The following TEKT1 variants were observed in gnomAD, a reference collection of about 807,000 sequenced individuals.
The protein encoded by TEKT1 is tektin 1.
Under a neutral mutation model 34.8 loss-of-function variants are expected in TEKT1, and 32 were observed. That is an observed-to-expected ratio of 0.92 (90% CI 0.69 to 1.23). TEKT1 has a LOEUF of 1.23. TEKT1 is among the 50% of genes most tolerant of loss of function. The pLI is 0.00. For synonymous variants in TEKT1, 207 were observed against 199.8 expected, an observed-to-expected ratio of 1.04 and a Z score of -0.30; for missense variants, 492 against 518.5, an observed-to-expected ratio of 0.95 and a Z score of 0.50.
chr17:6,800,839 G>T lies in TEKT1; in HGVS notation c.957C>A (p.Thr319=). 1 of 1,614,116 alleles carries T rather than the reference G, an allele frequency of 6.2e-7. No individual in the cohort carries two copies. The highest frequency in any genetic ancestry group is 8.5e-7 in the Non-Finnish European group (1 of 1,180,018). The change falls in exon 7 of 8, where the codon ACC becomes ACA. Residue 319 remains threonine, a synonymous_variant. Coordinates refer to ENST00000338694, the MANE Select transcript of TEKT1 (RefSeq NM_053285.2). ...GCTCCACGTTCGGCCGGTGTGTCCT[G>T]GTCTCCAAGCGCGTATGAGCCACCT... ...PAKVAHTRLE[T]RTHRPNVELC...
At chr17:6,824,583 A>G (rs1375232862) in intron 2 of TEKT1, among the ~76,000 whole-genome samples, 1 of 152,180 alleles carries the variant, frequency 6.6e-6, no homozygotes, top group African/African-American at 2.4e-5. Flanking sequence ...TTTTCTCTCC[A>G]TCTTTACTGC....
intron 6 of TEKT1, among the ~76,000 whole-genome samples, chr17:6,806,298 T>G (rs1237270536): frequency 6.6e-6 from 1 of 151,826 alleles, no homozygotes; most frequent in Admixed American, 6.6e-5. Flanking sequence ...ACCCCTGCCT[T>G]TTTTTGTTTT....
intron 2 of TEKT1, among the ~76,000 whole-genome samples, chr17:6,824,406 T>G (rs1469503263): frequency 6.6e-6 from 1 of 152,162 alleles, no homozygotes; most frequent in Non-Finnish European, 1.5e-5. Context: ...CCTCTCATCT[T>G]CATCATGCTG....
chr17:6,822,023 T>C (rs9892233), intron 2 of TEKT1, among the ~76,000 whole-genome samples: 9,348 of 152,066 alleles, frequency 0.061, 824 homozygotes, highest in African/African-American at 0.19. Context: ...GCCAAGACAA[T>C]GGGGAAAATG....
intron 4 of TEKT1, 104 bp from the exon 5 acceptor site, chr17:6,815,410 A>G: frequency 7.2e-7 from 1 of 1,392,124 alleles, no homozygotes; most frequent in Non-Finnish European, 1.0e-6. Flanking sequence ...GGTCTGGTGC[A>G]GGATGATGGT....
chr17:6,820,326 T>C (rs892383131), intron 2 of TEKT1, among the ~76,000 whole-genome samples: 1 of 152,018 alleles, frequency 6.6e-6, no homozygotes, highest in Non-Finnish European at 1.5e-5. Flanking sequence ...AAGGCAGATT[T>C]ATTAGTCACC....
chr17:6,825,357 A>G (rs912747067), intron 2 of TEKT1, among the ~76,000 whole-genome samples: 1 of 152,160 alleles, frequency 6.6e-6, no homozygotes, highest in African/African-American at 2.4e-5. Flanking sequence ...TATGGGATGA[A>G]GCACACCGTA....
chr17:6,815,870 A>G lies in TEKT1; in HGVS notation c.449T>C (p.Leu150Pro). The change falls in exon 4 of 8, where the codon CTG becomes CCG. Residue 150 changes from leucine to proline, a missense_variant. Leu to Pro is a moderately conservative substitution (Grantham distance 98). Transcript: ENST00000338694. Reference protein sequence around the residue: ...AEIIQGIMALLTRTLEEASEQ... With the variant: ...AEIIQGIMALPTRTLEEASEQ... ...GGAAGCCTCCTCCAAGGTACGGGTC[A>G]GCAGAGCCATAATGCCCTGGATGAT... 1.2e-6 allele frequency: 2 copies of G among 1,614,234 alleles called. No homozygotes were observed. The highest frequency in any genetic ancestry group is 1.7e-6 in the Non-Finnish European group (2 of 1,180,046).
chr17:6,813,666 T>C (rs1269151410), intron 5 of TEKT1, among the ~76,000 whole-genome samples: 5 of 151,620 alleles, frequency 3.3e-5, no homozygotes, highest in African/African-American at 1.2e-4. Flanking sequence ...GTTATTACCT[T>C]CAGGATGGAG....
intron 1 of TEKT1, among the ~76,000 whole-genome samples, chr17:6,830,994 A>T (rs1002327290): frequency 1.4e-5 from 2 of 148,040 alleles, no homozygotes; most frequent in South Asian, 2.1e-4. Flanking sequence ...ATGTTTTCTT[A>T]AAAAAAGAAG....
At position 6,830,271 on chromosome 17, in the gene TEKT1, G is replaced by C; in HGVS notation, c.106C>G (p.Arg36Gly). 6.2e-7 allele frequency: 1 copy of C among 1,613,360 alleles called. No individual in the cohort carries two copies. Among genetic ancestry groups the C allele is most frequent in the Non-Finnish European group, 8.5e-7 (1 of 1,179,916 alleles). Residue 36 changes from arginine to glycine, a missense_variant, in exon 2 of 8, where the codon CGC becomes GGC. Arg to Gly is a moderately radical substitution (Grantham distance 125). Transcript: ENST00000338694. ...AGCCTCTGGCTTTCTGCGACCAGGC[G>C]TTCTGATCGGGACCTTTGAGCGTCT... ...RADAQRSRSE[R>G]LVAESQRLVD...
rs1300112266 is a variant in TEKT1 at position 6,798,771 on chromosome 17, A to G, written c.*1256T>C. On this transcript the variant is annotated 3_prime_UTR_variant, in exon 8 of 8. Coordinates refer to ENST00000338694, the MANE Select transcript of TEKT1 (RefSeq NM_053285.2). Reference sequence around the variant, plus strand: ...ACACTCTGCATTATCATTGTGCCCTATGACACCGTATGTGCAGCTAGACAG... The same window carrying G: ...ACACTCTGCATTATCATTGTGCCCTGTGACACCGTATGTGCAGCTAGACAG... 6.6e-6 allele frequency: 1 copy of G among 152,266 alleles called. No individual in the cohort carries two copies. The highest frequency in any genetic ancestry group is 2.4e-5 in the African/African-American group (1 of 41,450). 9.4% of individuals were successfully genotyped at this position (152,266 alleles called of 1,614,324 possible). A position where few individuals can be genotyped will look rare whatever the true frequency, so the allele number is the denominator to read the frequency against.
rs751269273 is a variant in TEKT1 at position 6,800,933 on chromosome 17, T to C, written c.863A>G (p.Glu288Gly). The C allele has an allele frequency of 3.1e-6, 5 of 1,613,300 alleles. No individual in the cohort carries two copies. The highest frequency in any genetic ancestry group is 4.2e-6 in the Non-Finnish European group (5 of 1,179,636). Residue 288 changes from glutamate (E) to glycine (G), a missense_variant, in exon 7 of 8, where the codon GAG becomes GGG. Transcript: ENST00000338694. ...LADHLAKVME[E>G]IASQEKNITA... ...AATATTTTTCTCCTGGGAAGCAATC[T>C]CTTCCATGACCTTACAAAAAGGATT... is the stretch of plus-strand genomic sequence containing the variant.
At chr17:6,819,688 A>G (rs1047437806) in intron 2 of TEKT1, among the ~76,000 whole-genome samples, 6 of 152,134 alleles carry the variant, frequency 3.9e-5, no homozygotes, top group African/African-American at 2.4e-5. Flanking sequence ...AAACTCTCTG[A>G]CCTGTCCCCA....
At chr17:6,820,248 A>G (rs1433608219) in intron 2 of TEKT1, among the ~76,000 whole-genome samples, 2 of 152,100 alleles carry the variant, frequency 1.3e-5, no homozygotes, top group Non-Finnish European at 2.9e-5. Context: ...TTTTCTTACA[A>G]AATTTTCTGT....
chr17:6,827,534 G>A (rs556890536), intron 2 of TEKT1, among the ~76,000 whole-genome samples: 2 of 152,050 alleles, frequency 1.3e-5, no homozygotes, highest in Non-Finnish European at 2.9e-5. Context: ...AAAGTGCTGG[G>A]AGCCAGGCAT....
At chr17:6,816,289 T>A (rs2151587578) in intron 3 of TEKT1, among the ~76,000 whole-genome samples, 1 of 152,334 alleles carries the variant, frequency 6.6e-6, no homozygotes, top group South Asian at 2.1e-4. Context: ...CGTGCAGGTT[T>A]GATACATAGG....
At chr17:6,815,447 C>A in intron 4 of TEKT1, 141 bp from the exon 5 acceptor site, 1 of 980,152 alleles carries the variant, frequency 1.0e-6, no homozygotes, top group Non-Finnish European at 1.6e-6. Context: ...CACCCCAACA[C>A]TCATGCGTAT....
chr17:6,815,514 C>T (rs1049370491), intron 4 of TEKT1, among the ~76,000 whole-genome samples: 13 of 152,112 alleles, frequency 8.5e-5, no homozygotes, highest in Non-Finnish European at 1.8e-4. Flanking sequence ...GGAGATTCTC[C>T]CTTCTACTGT....
Sources: allele counts gnomAD v4.1 joint callset (sites outside exome capture counted in the v4.1 genomes callset), GRCh38; gene constraint gnomAD v4.1.1; transcripts MANE v1.5; gene names NCBI Gene and HGNC (gene_info 2026-07-23, HGNC 2026-07-21).